The following PIK3CB variants were observed in gnomAD, a reference collection of about 807,000 sequenced individuals.
PIK3CB encodes the protein phosphatidylinositol-4,5-bisphosphate 3-kinase catalytic subunit beta.
In PIK3CB, 39 loss-of-function variants were observed where a neutral mutation model predicts 136.8. The ratio of observed to expected loss-of-function variants is 0.29; its 90% CI spans 0.22 to 0.37. The LOEUF (loss-of-function observed/expected upper bound fraction) is 0.37. Among genes scored for constraint, PIK3CB ranks in the 10% least tolerant of loss-of-function variants. The probability of loss-of-function intolerance (pLI) is 1.00; values close to 1 mark genes in which losing one functional copy is unlikely to be tolerated. For synonymous variants in PIK3CB, 428 were observed against 436.6 expected (o/e 0.98, Z 0.25); for missense variants, 868 against 1,275.4 (o/e 0.68, Z 4.87).
chr3:138,784,037 A>C (rs1401547980), intron 2 of PIK3CB, among the ~76,000 whole-genome samples: 1 of 152,206 alleles, frequency 6.6e-6, no homozygotes, highest in Admixed American at 6.5e-5. Context: ...AAACTGATTT[A>C]ACCTCTTCCA....
At chr3:138,690,648 A>G (rs1023292804) in intron 15 of PIK3CB, among the ~76,000 whole-genome samples, 2 of 151,994 alleles carry the variant, frequency 1.3e-5, no homozygotes, top group African/African-American at 4.8e-5. Flanking sequence ...ATATTAAGAC[A>G]ATAAGTACAC....
chr3:138,769,203 T>C (rs2045770598), intron 2 of PIK3CB, among the ~76,000 whole-genome samples: 1 of 152,230 alleles, frequency 6.6e-6, no homozygotes, highest in East Asian at 1.9e-4. Context: ...TGGCAGCAGC[T>C]GTTCTAGACG....
chr3:138,722,221 GACAC>G (rs56139182), intron 8 of PIK3CB, among the ~76,000 whole-genome samples: 5,538 of 144,156 alleles, frequency 0.038, 214 homozygotes, highest in African/African-American at 0.1. Flanking sequence ...CTATGTAAGA[GACAC>G]ACACACACAC....
intron 11 of PIK3CB, among the ~76,000 whole-genome samples, chr3:138,706,747 T>TC (rs2044385809): frequency 6.6e-6 from 1 of 152,144 alleles, no homozygotes; most frequent in African/African-American, 2.4e-5. Flanking sequence ...AACCTCCGCC[T>TC]CCCGGGTTCA....
At chr3:138,704,913 A>G (rs182031245) in intron 11 of PIK3CB, among the ~76,000 whole-genome samples, 2 of 152,014 alleles carry the variant, frequency 1.3e-5, no homozygotes, top group Admixed American at 1.3e-4. Context: ...ACAATATCTA[A>G]CTTGTACAAT....
intron 1 of PIK3CB, among the ~76,000 whole-genome samples, chr3:138,820,059 T>C (rs1933492264): frequency 6.6e-6 from 1 of 152,220 alleles, no homozygotes; most frequent in African/African-American, 2.4e-5. Context: ...CTAAAACAAA[T>C]AGGTTTTCAC....
At chr3:138,822,944 T>C (rs1472263282) in intron 1 of PIK3CB, among the ~76,000 whole-genome samples, 6 of 143,774 alleles carry the variant, frequency 4.2e-5, no homozygotes, top group Admixed American at 7.3e-5. Flanking sequence ...ATACGAAATA[T>C]ATATACATGA....
chr3:138,825,744 G>A, intron 1 of PIK3CB: 1 of 701,856 alleles, frequency 1.4e-6, no homozygotes, highest in African/African-American at 1.8e-5. Flanking sequence ...TAGGCCAAGT[G>A]GAGACTGGTG....
chr3:138,701,119 C>G (rs2044243370), intron 12 of PIK3CB, among the ~76,000 whole-genome samples: 1 of 151,580 alleles, frequency 6.6e-6, no homozygotes, highest in Non-Finnish European at 1.5e-5. Context: ...TAACTGGGAT[C>G]CTAAACATGA....
chr3:138,749,623 C>A (rs1053367310), intron 4 of PIK3CB, among the ~76,000 whole-genome samples: 3 of 152,124 alleles, frequency 2.0e-5, no homozygotes, highest in African/African-American at 7.2e-5. Context: ...CCTACACCAC[C>A]CATAATCAAT....
At chr3:138,786,158 C>A (rs1271100071) in intron 2 of PIK3CB, among the ~76,000 whole-genome samples, 3 of 152,038 alleles carry the variant, frequency 2.0e-5, no homozygotes, top group Non-Finnish European at 4.4e-5. Flanking sequence ...CAGTTCTCTT[C>A]ACAGTGTTAA....
intron 15 of PIK3CB, among the ~76,000 whole-genome samples, chr3:138,690,272 A>AAGGT (rs1208948127): frequency 6.6e-6 from 1 of 151,936 alleles, no homozygotes; most frequent in Non-Finnish European, 1.5e-5. Context: ...AAAAGGAAGG[A>AAGGT]AGGAGAAAGA....
intron 4 of PIK3CB, among the ~76,000 whole-genome samples, chr3:138,746,517 C>T (rs1027589524): frequency 1.3e-5 from 2 of 151,612 alleles, no homozygotes; most frequent in African/African-American, 4.8e-5. Flanking sequence ...AAAAATTAGC[C>T]AAGAGTGGTG....
intron 1 of PIK3CB, among the ~76,000 whole-genome samples, chr3:138,802,402 G>C (rs757587090): frequency 2.7e-5 from 4 of 150,568 alleles, no homozygotes; most frequent in Admixed American, 6.7e-5. Flanking sequence ...AAGAAAGAAA[G>C]AAAAGGGAAG....
chr3:138,796,140 T>C (rs2046105682), intron 2 of PIK3CB, among the ~76,000 whole-genome samples: 1 of 152,108 alleles, frequency 6.6e-6, no homozygotes. Flanking sequence ...CCCAGCACTT[T>C]GGGAGGCCAA....
intron 19 of PIK3CB, among the ~76,000 whole-genome samples, chr3:138,676,071 G>A (rs1380197294): frequency 6.6e-6 from 1 of 152,088 alleles, no homozygotes; most frequent in Non-Finnish European, 1.5e-5. Flanking sequence ...ATTTATCTAA[G>A]AAGGGTCTAG....
chr3:138,775,385 G>A (rs559859880), intron 2 of PIK3CB, among the ~76,000 whole-genome samples: 3 of 152,274 alleles, frequency 2.0e-5, no homozygotes, highest in East Asian at 1.9e-4. Context: ...AAAACAAAAC[G>A]AAGCAATTTG....
intron 19 of PIK3CB, among the ~76,000 whole-genome samples, chr3:138,667,546 ATTTATT>A (rs2043439893): frequency 6.6e-6 from 1 of 151,552 alleles, no homozygotes; most frequent in African/African-American, 2.4e-5. Context: ...ATGCTTTTTT[ATTTATT>A]TTTATTTTAT....
In PIK3CB at chr3:138,714,513, A is replaced by G. The variant is rs781176717; in HGVS notation, c.1257T>C (p.Thr419=). 9 of 1,611,368 alleles carry G rather than the reference A, an allele frequency of 5.6e-6. No individual in the cohort carries two copies. The highest frequency in any genetic ancestry group is 1.3e-5 in the African/African-American group (1 of 74,878). ...TGGTCTGATATTTAGAGGGATTAAT[A>G]GTTTTCGTTGATTTCTTCGTTTTTA... The part of the protein sequence containing the change: ...DKVKTKKSTK[T]INPSKYQTIR... Residue 419 remains threonine, a synonymous_variant, in exon 9 of 24, where the codon ACT becomes ACC. Transcript: ENST00000674063.
Sources: allele counts gnomAD v4.1 joint callset (sites outside exome capture counted in the v4.1 genomes callset), GRCh38; gene constraint gnomAD v4.1.1; transcripts MANE v1.5; gene names NCBI Gene and HGNC (gene_info 2026-07-23, HGNC 2026-07-21).